Variants in ZFPM2 observed in about 807,000 individuals in gnomAD.
ZFPM2 encodes zinc finger protein, FOG family member 2.
In ZFPM2, 20 loss-of-function variants were observed where a neutral mutation model predicts 98.6. The ratio of observed to expected loss-of-function variants is 0.20; its 90% CI spans 0.14 to 0.29. The LOEUF is 0.29. Ranked by LOEUF, ZFPM2 falls within the 10% of genes least tolerant of loss-of-function variation. ZFPM2 has a pLI of 1.00. For missense variants in ZFPM2, 1,310 were observed against 1,388.6 expected, an observed-to-expected ratio of 0.94 and a Z score of 0.90; for synonymous variants, 518 against 502.7, an observed-to-expected ratio of 1.03 and a Z score of -0.41.
At chr8:105,455,281 A>C (rs1770059870) in intron 3 of ZFPM2, among the ~76,000 whole-genome samples, 1 of 152,196 alleles carries the variant, frequency 6.6e-6, no homozygotes, top group Non-Finnish European at 1.5e-5. Flanking sequence ...TATTTATTTA[A>C]ATTAAGATCT....
intron 5 of ZFPM2, among the ~76,000 whole-genome samples, chr8:105,669,687 G>A (rs1817553310): frequency 6.6e-6 from 1 of 151,890 alleles, no homozygotes; most frequent in African/African-American, 2.4e-5. Flanking sequence ...ATCCTCTTAT[G>A]ATCCTTCAGG....
chr8:105,675,442 T>A (rs1176211464), intron 5 of ZFPM2, among the ~76,000 whole-genome samples: 1 of 152,156 alleles, frequency 6.6e-6, no homozygotes. Flanking sequence ...GGCCAGGAAT[T>A]CACTCCTGAG....
intron 5 of ZFPM2, among the ~76,000 whole-genome samples, chr8:105,748,318 T>C (rs1202700335): frequency 6.6e-6 from 1 of 152,072 alleles, no homozygotes; most frequent in East Asian, 1.9e-4. Context: ...AGGAAAGCTC[T>C]AGACCAAGCA....
intron 3 of ZFPM2, among the ~76,000 whole-genome samples, chr8:105,484,153 C>G (rs1813180780): frequency 6.6e-6 from 1 of 152,032 alleles, no homozygotes; most frequent in Non-Finnish European, 1.5e-5. Flanking sequence ...TATAATGATT[C>G]ATTTCATTCA....
At chr8:105,549,595 CTCTA>C (rs1349096554) in intron 3 of ZFPM2, among the ~76,000 whole-genome samples, 10 of 135,352 alleles carry the variant, frequency 7.4e-5, no homozygotes, top group African/African-American at 2.6e-4. Context: ...TCTTTCCTTC[CTCTA>C]TCTCTCTCTC....
rs547648308 is a variant in ZFPM2, at chr8:105,606,706, G to C, written c.421-27540G>C. On this transcript the variant is annotated intron_variant, in intron 4 of 7. Transcript: ENST00000407775. ...TTGGAAAATTATATGTCATCTCCTG[G>C]TAACAGTCCCATGGGACCGTGATAT... 9.6e-4 allele frequency among the ~76,000 whole-genome samples: 146 copies of C among 152,030 alleles called. 1 individual carries two copies. The highest frequency in any genetic ancestry group is 3.4e-3 in the Middle Eastern group (1 of 294).
chr8:105,326,804 T>C (rs1315713946), intron 1 of ZFPM2, among the ~76,000 whole-genome samples: 1 of 151,098 alleles, frequency 6.6e-6, no homozygotes, highest in Non-Finnish European at 1.5e-5. Flanking sequence ...TGGAGGTGAC[T>C]TGGCTGTTGC....
chr8:105,792,335 A>G (rs1029366137), intron 6 of ZFPM2, among the ~76,000 whole-genome samples: 25 of 152,032 alleles, frequency 1.6e-4, no homozygotes, highest in Non-Finnish European at 3.1e-4. Flanking sequence ...TTCTGCCTTC[A>G]TTTCGTTACG....
intron 1 of ZFPM2, 67 bp from the exon 2 acceptor site, chr8:105,419,077 T>C: frequency 6.6e-7 from 1 of 1,514,514 alleles, no homozygotes; most frequent in Non-Finnish European, 9.0e-7. Flanking sequence ...AAAGGCTCTA[T>C]TTAAGGATTT....
At chr8:105,676,358 C>T (rs925398181) in intron 5 of ZFPM2, among the ~76,000 whole-genome samples, 1 of 152,114 alleles carries the variant, frequency 6.6e-6, no homozygotes, top group Non-Finnish European at 1.5e-5. Context: ...AAATTCCCTG[C>T]TTCACTATGA....
At chr8:105,656,855 A>G (rs1481316830) in intron 5 of ZFPM2, among the ~76,000 whole-genome samples, 1 of 152,312 alleles carries the variant, frequency 6.6e-6, no homozygotes, top group Middle Eastern at 3.4e-3. Flanking sequence ...TCCAGTATAT[A>G]GAATACTTGA....
intron 1 of ZFPM2, 88 bp from the exon 2 acceptor site, chr8:105,419,056 C>T (rs1273867736): frequency 3.2e-5 from 42 of 1,294,396 alleles, no homozygotes; most frequent in Non-Finnish European, 4.5e-5. Context: ...TTTCTCACCA[C>T]TGTAACAAAA....
chr8:105,742,445 A>AGG (rs1469274228), intron 5 of ZFPM2, among the ~76,000 whole-genome samples: 3 of 148,750 alleles, frequency 2.0e-5, no homozygotes. Flanking sequence ...GAACAATAGG[A>AGG]GGTATAGTTT....
At chr8:105,558,744 T>C (rs2130691553) in intron 3 of ZFPM2, among the ~76,000 whole-genome samples, 1 of 151,844 alleles carries the variant, frequency 6.6e-6, no homozygotes, top group African/African-American at 2.4e-5. Context: ...ATGATTCCTC[T>C]GGTATCACTT....
chr8:105,531,057 G>A (rs985968106), intron 3 of ZFPM2, among the ~76,000 whole-genome samples: 5 of 152,106 alleles, frequency 3.3e-5, no homozygotes, highest in Admixed American at 2.0e-4. Flanking sequence ...CACAGTGGTA[G>A]AGGCCTAGAT....
At chr8:105,668,796 G>A (rs562908313) in intron 5 of ZFPM2, among the ~76,000 whole-genome samples, 1 of 152,236 alleles carries the variant, frequency 6.6e-6, no homozygotes, top group African/African-American at 2.4e-5. Flanking sequence ...ACATTGAGGT[G>A]AGATTACTTT....
chr8:105,340,559 A>G (rs893082926), intron 1 of ZFPM2, among the ~76,000 whole-genome samples: 2 of 152,014 alleles, frequency 1.3e-5, no homozygotes, highest in African/African-American at 4.8e-5. Flanking sequence ...TTTAAAAGCA[A>G]TAAATCCATT....
At chr8:105,357,460 T>G (rs1480799105) in intron 1 of ZFPM2, among the ~76,000 whole-genome samples, 2 of 152,238 alleles carry the variant, frequency 1.3e-5, no homozygotes, top group African/African-American at 4.8e-5. Context: ...CATAGCAATG[T>G]GGTAAGCAGA....
intron 6 of ZFPM2, among the ~76,000 whole-genome samples, chr8:105,791,426 C>T (rs901251537): frequency 9.9e-5 from 15 of 152,198 alleles, no homozygotes; most frequent in South Asian, 6.2e-4. Flanking sequence ...AGCCTTGCAT[C>T]CCAGGGATGA....
Sources: allele counts gnomAD v4.1 joint callset (sites outside exome capture counted in the v4.1 genomes callset), GRCh38; gene constraint gnomAD v4.1.1; transcripts MANE v1.5; gene names NCBI Gene and HGNC (gene_info 2026-07-23, HGNC 2026-07-21).